The following GLB1L3 variants were observed in gnomAD, a reference collection of about 807,000 sequenced individuals.
The protein encoded by GLB1L3 is galactosidase beta 1 like 3.
GLB1L3 carries 89 observed loss-of-function variants against 89.5 expected under a neutral mutation model. The ratio of observed to expected loss-of-function variants is 0.99; its 90% CI spans 0.84 to 1.19. The LOEUF (loss-of-function observed/expected upper bound fraction) is 1.19. Among genes scored for constraint, GLB1L3 ranks in the 50% most tolerant of loss-of-function variants. The pLI, the probability that GLB1L3 is intolerant of heterozygous loss-of-function variation, is 0.00. For missense variants in GLB1L3, 812 were observed against 813.3 expected (o/e 1.00, Z 0.02); for synonymous variants, 314 against 312.3 (o/e 1.01, Z -0.06).
rs775672234 is a variant in GLB1L3, at chr11:134,292,129, C to G, written c.730-3C>G. 2 of 1,612,322 alleles carry G rather than the reference C, an allele frequency of 1.2e-6. No homozygotes were observed. The highest frequency in any genetic ancestry group is 2.2e-5 in the East Asian group (1 of 44,878). ...GGTTCATTTTGGTTAATTTTCTCAA[C>G]AGGCCCTGCTGAGAAGAGGGATTGT... On this transcript the variant is annotated splice_polypyrimidine_tract_variant and splice_region_variant and intron_variant, in intron 7 of 19. Coordinates refer to ENST00000431683, the MANE Select transcript of GLB1L3 (RefSeq NM_001080407.3).
intron 7 of GLB1L3, among the ~76,000 whole-genome samples, chr11:134,290,039 G>A (rs146035058): frequency 0.019 from 2,891 of 152,282 alleles, 48 homozygotes; most frequent in Non-Finnish European, 0.032. Flanking sequence ...GGAGGAGGGC[G>A]GGGCTGGACT....
chr11:134,310,811 G>C (rs1246238792), intron 12 of GLB1L3, 160 bp downstream of exon 12: 1 of 632,882 alleles, frequency 1.6e-6, no homozygotes. Flanking sequence ...GTTAAAATCT[G>C]TGTGATTTTT....
At chr11:134,277,168 C>G in intron 1 of GLB1L3, 158 bp from the exon 2 acceptor site, 1 of 854,206 alleles carries the variant, frequency 1.2e-6, no homozygotes, top group Non-Finnish European at 1.9e-6. Context: ...GGTGATGCCG[C>G]GCTGTCCTGG....
At chr11:134,292,359 A>G (rs542488192) in intron 8 of GLB1L3, 146 bp downstream of exon 8, 7 of 604,712 alleles carry the variant, frequency 1.2e-5, no homozygotes, top group African/African-American at 5.5e-5. Flanking sequence ...CGATGTTACA[A>G]TAAATGAGGA....
At chr11:134,283,261 G>A (rs1456347284) in intron 5 of GLB1L3, among the ~76,000 whole-genome samples, 4 of 152,028 alleles carry the variant, frequency 2.6e-5, no homozygotes, top group Admixed American at 6.5e-5. Context: ...CGGGAGTTTC[G>A]CCACGTTGGC....
chr11:134,277,194 G>A, intron 1 of GLB1L3, 132 bp from the exon 2 acceptor site: 1 of 1,179,692 alleles, frequency 8.5e-7, no homozygotes. Context: ...GGCCCGCCTG[G>A]AAGACCCGCC....
At chr11:134,294,901 C>A (rs1193389739) in intron 9 of GLB1L3, among the ~76,000 whole-genome samples, 3 of 152,172 alleles carry the variant, frequency 2.0e-5, no homozygotes, top group African/African-American at 7.2e-5. Flanking sequence ...GGCCGTCCTG[C>A]TTTAGTGTGT....
intron 9 of GLB1L3, among the ~76,000 whole-genome samples, chr11:134,300,532 C>T (rs1457032384): frequency 6.6e-6 from 1 of 152,018 alleles, no homozygotes; most frequent in African/African-American, 2.4e-5. Context: ...GACGGGGTTT[C>T]ACCGTGTTAG....
In GLB1L3 at chr11:134,284,563, C is replaced by A. The variant is rs148294261; in HGVS notation, c.636+718C>A. Among the ~76,000 whole-genome samples, 210 of 152,072 alleles carry A rather than the reference C, an allele frequency of 1.4e-3. 1 individual carries two copies. The highest frequency in any genetic ancestry group is 4.8e-3 in the African/African-American group (197 of 41,470). ...ACCAACATGGGAAACTCCATCTCTA[C>A]TAAAAATACAAAAAAATTAGCTGGG... On this transcript the variant is annotated intron_variant, in intron 6 of 19. Coordinates refer to ENST00000431683, the MANE Select transcript of GLB1L3 (RefSeq NM_001080407.3).
chr11:134,308,235 CCAT>C lies in GLB1L3; in HGVS notation c.961+1030_961+1032del, dbSNP rs768245652. On this transcript the variant is annotated intron_variant, in intron 10 of 19. Coordinates refer to ENST00000431683, the MANE Select transcript of GLB1L3 (RefSeq NM_001080407.3). Reference sequence around the variant, plus strand: ...ACCACCATCACCATCACCACCACCACCATCACCATCACCACCATCACCACCACC... The same window carrying C: ...ACCACCATCACCATCACCACCACCACCACCATCACCACCATCACCACCACC... Among the ~76,000 whole-genome samples the C allele has an allele frequency of 1.5e-3, 43 of 27,774 alleles. 1 individual carries two copies. Among genetic ancestry groups the C allele is most frequent in the African/African-American group, 2.6e-3 (13 of 5,030 alleles). The allele number at this position is 27,774 out of a possible 152,430, so 18.2% of individuals were successfully genotyped here. A position where few individuals can be genotyped will look rare whatever the true frequency, so the allele number is the denominator to read the frequency against.
At chr11:134,313,521 C>A in intron 16 of GLB1L3, 47 bp downstream of exon 16, 1 of 1,464,186 alleles carries the variant, frequency 6.8e-7, no homozygotes, top group East Asian at 2.5e-5. Context: ...AACCGAAGAC[C>A]CGGGCTATGC....
At chr11:134,308,945 T>TGGAGAGATGATTGC (rs1000177908) in intron 10 of GLB1L3, among the ~76,000 whole-genome samples, 1 of 152,114 alleles carries the variant, frequency 6.6e-6, no homozygotes, top group Non-Finnish European at 1.5e-5. Flanking sequence ...CTGTGGCCAG[T>TGGAGAGATGATTGC]GGAGAGATGA....
downstream of GLB1L3, among the ~76,000 whole-genome samples, chr11:134,321,908 T>TA (rs1011112057): frequency 7.6e-6 from 1 of 132,190 alleles, no homozygotes; most frequent in Admixed American, 8.0e-5. Context: ...CCCTAGAACT[T>TA]AAAGTATAAT....
downstream of GLB1L3, among the ~76,000 whole-genome samples, chr11:134,323,379 GCACACACACACACACGTACACACA>G (rs769933533): frequency 6.3e-4 from 86 of 136,700 alleles, 1 homozygote; most frequent in South Asian, 5.5e-3. Flanking sequence ...ACATGCGTGC[GCACACACACACACACGTACACACA>G]CACACACACA....
intron 3 of GLB1L3, among the ~76,000 whole-genome samples, chr11:134,279,654 C>A (rs1294151237): frequency 6.6e-6 from 1 of 152,172 alleles, no homozygotes; most frequent in Non-Finnish European, 1.5e-5. Flanking sequence ...ATGTGAGCCA[C>A]CTCGCCCAGC....
intron 7 of GLB1L3, among the ~76,000 whole-genome samples, chr11:134,290,699 C>T (rs1474338865): frequency 2.0e-5 from 3 of 152,090 alleles, no homozygotes; most frequent in Non-Finnish European, 2.9e-5. Flanking sequence ...TATCTGGCCT[C>T]GTGACCATGG....
At position 134,318,710 on chromosome 11, in the gene GLB1L3, A is replaced by C. The variant is rs575861172; in HGVS notation, c.1859A>C (p.Tyr620Ser). Residue 620 changes from tyrosine (Y) to serine (S), a missense_variant, in exon 19 of 20, where the codon TAC becomes TCC. By Grantham distance (144) the Tyr-to-Ser change is moderately radical (BLOSUM62 -2). Transcript: ENST00000431683. ...YWNIGPQKTL[Y>S]LPGVWLHPED... The stretch of plus-strand genomic sequence containing the variant: ...AATATTGGGCCTCAGAAAACACTGT[A>C]CCTTCCTGGAGTTTGGCTTCATCCA... The C allele has an allele frequency of 1.2e-6, 2 of 1,612,530 alleles. No homozygotes were observed. The highest frequency in any genetic ancestry group is 1.3e-5 in the African/African-American group (1 of 74,888).
At chr11:134,302,623 T>C (rs1942004499) in intron 9 of GLB1L3, among the ~76,000 whole-genome samples, 1 of 152,210 alleles carries the variant, frequency 6.6e-6, no homozygotes, top group Non-Finnish European at 1.5e-5. Flanking sequence ...TAAGGTTACA[T>C]GGAATACTTT....
rs377023706 is a variant in GLB1L3, at chr11:134,288,886, A to C, written c.725A>C (p.His242Pro). The change falls in exon 7 of 20, where the codon CAC (histidine) becomes CCC (proline). Residue 242 changes from histidine to proline, a missense_variant. Transcript: ENST00000431683. ...NKDKTYMPYL[H>P]KALLRRGIVE... ...GATAAAACATACATGCCGTATCTCC[A>C]CAAGGTAAGAGGGCCTTGGTTTGGC... The C allele has an allele frequency of 6.2e-7, 1 of 1,609,110 alleles. No individual in the cohort carries two copies. Among genetic ancestry groups the C allele is most frequent in the East Asian group, 2.2e-5 (1 of 44,840 alleles).
Sources: gnomAD v4.1 joint callset for allele counts (sites outside exome capture counted in the v4.1 genomes callset) on GRCh38, gnomAD v4.1.1 for gene constraint, MANE v1.5 for transcripts, NCBI Gene and HGNC (gene_info 2026-07-23, HGNC 2026-07-21) for gene names.